PCDHGA4: variants seen among roughly 807,000 people sequenced by gnomAD.
The protein encoded by PCDHGA4 is protocadherin gamma-A4.
In PCDHGA4, 38 loss-of-function variants were observed where a neutral mutation model predicts 54.6. The observed-to-expected ratio is 0.70, with a 90% CI of 0.54 to 0.91. The LOEUF is 0.91. Among genes scored for constraint, PCDHGA4 ranks in the 40% least tolerant of loss-of-function variants. The probability of loss-of-function intolerance (pLI) is 0.00; values close to 1 mark genes in which losing one functional copy is unlikely to be tolerated. For synonymous variants in PCDHGA4, 511 were observed against 512.9 expected, an observed-to-expected ratio of 1.00 and a Z score of 0.05; for missense variants, 1,298 against 1,220.9, an observed-to-expected ratio of 1.06 and a Z score of -0.94.
chr5:141,392,488 T>G, intron 1 of PCDHGA4: 1 of 203,312 alleles, frequency 4.9e-6, no homozygotes, highest in Non-Finnish European at 9.8e-6. Flanking sequence ...AACAAAGTAA[T>G]AAGCAAATGA....
At chr5:141,413,460 C>T (rs1561742736) in intron 1 of PCDHGA4, 4 of 1,613,974 alleles carry the variant, frequency 2.5e-6, no homozygotes, top group Middle Eastern at 1.6e-4. Context: ...GCAGGATAGA[C>T]CGGGAGGAGC....
chr5:141,431,527 C>T lies in PCDHGA4; in HGVS notation c.2515-63280C>T. The T allele has an allele frequency of 1.2e-6, 2 of 1,614,086 alleles. No homozygotes were observed. The highest frequency in any genetic ancestry group is 2.2e-5 in the East Asian group (1 of 44,888). ...GCGCGAGCGTTCCGGAGAATCTGGC[C>T]TTGGGCACGCAGCTGCTTGTAGTCA... On this transcript the variant is annotated intron_variant, in intron 1 of 3. Coordinates refer to ENST00000571252, the MANE Select transcript of PCDHGA4 (RefSeq NM_018917.4). This position sits in a 1 kb window ranked among gnomAD's most constrained non-coding sequence, Gnocchi z 4.8.
chr5:141,380,571 T>C (rs529430145), intron 1 of PCDHGA4, among the ~76,000 whole-genome samples: 2 of 152,352 alleles, frequency 1.3e-5, no homozygotes, highest in African/African-American at 4.8e-5. Context: ...ATTAAACATA[T>C]CTTGGCGGTC....
Position 141,490,869 on chromosome 5 carries a change from A to AT in PCDHGA4, c.2515-3936dup. 1.2e-6 allele frequency: 2 copies of AT among 1,613,902 alleles called. No individual in the cohort carries two copies. Among genetic ancestry groups the AT allele is most frequent in the Non-Finnish European group, 8.5e-7 (1 of 1,179,954 alleles). ...GGGTTCGAGACTCCGGCTCTCCCCC[A>AT]TTGCATGCCAACACATCTCTGCATG... On this transcript the variant is annotated intron_variant, in intron 1 of 3. Coordinates refer to ENST00000571252, the MANE Select transcript of PCDHGA4 (RefSeq NM_018917.4). This position sits in a 1 kb window ranked among gnomAD's most constrained non-coding sequence, Gnocchi z 5.4.
rs746838072 is a variant in PCDHGA4 at position 141,486,116 on chromosome 5, T to A, written c.2515-8691T>A. ...GCCCCTAGACTTTGAGAGTGAGAATTACTATGAATTTGATGTGCGGGCTCG... is the reference window on the plus strand; with the variant it reads ...GCCCCTAGACTTTGAGAGTGAGAATAACTATGAATTTGATGTGCGGGCTCG... On this transcript the variant is annotated intron_variant, in intron 1 of 3. Coordinates refer to ENST00000571252, the MANE Select transcript of PCDHGA4 (RefSeq NM_018917.4). This position sits in a 1 kb window ranked among gnomAD's most constrained non-coding sequence, Gnocchi z 5.0. 1.1e-5 allele frequency: 17 copies of A among 1,613,638 alleles called. No homozygotes were observed. Among genetic ancestry groups the A allele is most frequent in the Non-Finnish European group, 1.4e-5 (17 of 1,179,610 alleles).
At chr5:141,375,066 G>A (rs1463444937) in intron 1 of PCDHGA4, 7 of 1,613,872 alleles carry the variant, frequency 4.3e-6, no homozygotes, top group Admixed American at 1.7e-5. Flanking sequence ...CCAGGTCTTC[G>A]AGACAGAGCG....
chr5:141,472,254 T>C (rs1031738513), intron 1 of PCDHGA4, among the ~76,000 whole-genome samples: 1 of 152,074 alleles, frequency 6.6e-6, no homozygotes, highest in Admixed American at 6.6e-5. Context: ...TTTAAAGTTA[T>C]ATTATAGCCG....
Position 141,485,875 on chromosome 5 carries a change from C to T in PCDHGA4, c.2515-8932C>T, listed in dbSNP as rs1254918181. The T allele has an allele frequency of 1.9e-6, 3 of 1,614,150 alleles. No homozygotes were observed. The highest frequency in any genetic ancestry group is 2.2e-5 in the East Asian group (1 of 44,862). On this transcript the variant is annotated intron_variant, in intron 1 of 3. Transcript: ENST00000571252. This position sits in a 1 kb window ranked among gnomAD's most constrained non-coding sequence, Gnocchi z 5.7. ...CAGAGCTCCGGGTATCCGTGCTGGACGTAAACGACAACGCCCCAGCCTTCC... is the reference window on the plus strand; with the variant it reads ...CAGAGCTCCGGGTATCCGTGCTGGATGTAAACGACAACGCCCCAGCCTTCC...
At chr5:141,459,845 T>C (rs914128032) in intron 1 of PCDHGA4, among the ~76,000 whole-genome samples, 1 of 152,232 alleles carries the variant, frequency 6.6e-6, no homozygotes, top group Admixed American at 6.5e-5. Flanking sequence ...TCTATTTGTA[T>C]ATCTTCTTGA....
At chr5:141,393,503 G>C (rs2092782893) in intron 1 of PCDHGA4, 1 of 1,614,028 alleles carries the variant, frequency 6.2e-7, no homozygotes, top group Non-Finnish European at 8.5e-7. Flanking sequence ...GCATCCACGT[G>C]ACAGTGTTGG....
chr5:141,377,556 A>T (rs1171611330), intron 1 of PCDHGA4: 1 of 151,728 alleles, frequency 6.6e-6, no homozygotes, highest in African/African-American at 2.4e-5. Context: ...TAATTGTGTC[A>T]CTGCACCCTA....
At chr5:141,428,613 C>T (rs1247239314) in intron 1 of PCDHGA4, 1 of 212,608 alleles carries the variant, frequency 4.7e-6, no homozygotes, top group African/African-American at 2.3e-5. Flanking sequence ...AAGAGAATAA[C>T]AAGATAAGCT....
Position 141,357,581 on chromosome 5 carries a change from C to G in PCDHGA4, c.2474C>G (p.Thr825Ser). 1 of 1,614,192 alleles carries G rather than the reference C, an allele frequency of 6.2e-7. No individual in the cohort carries two copies. Reference protein sequence around the residue: ...SCEKSEPLLITQDLLETKGDP... With the variant: ...SCEKSEPLLISQDLLETKGDP... ...GAGAAAAGCGAGCCTCTTCTGATAA[C>G]TCAGGATTTACTTGAAACAAAAGGA... The change falls in exon 1 of 4, where the codon ACT (threonine) becomes AGT (serine). Residue 825 changes from threonine to serine, a missense_variant. Coordinates refer to ENST00000571252, the MANE Select transcript of PCDHGA4 (RefSeq NM_018917.4).
At chr5:141,371,970 CG>C (rs748554819) in intron 1 of PCDHGA4, 402 of 1,613,132 alleles carry the variant, frequency 2.5e-4, no homozygotes, top group Non-Finnish European at 5.5e-5. Context: ...CGAGCAGCTG[CG>C]TGCCTTCGAG....
rs2099883943 is a variant in PCDHGA4, at chr5:141,511,766, G to A, written c.*593G>A. ...TGGAGGACATGATCACCATCCCCAT[G>A]GTACTGATGCTTGCTGGATTTAGGG... On this transcript the variant is annotated 3_prime_UTR_variant, in exon 4 of 4. Coordinates refer to ENST00000571252, the MANE Select transcript of PCDHGA4 (RefSeq NM_018917.4). 2 of 161,712 alleles carry A rather than the reference G, an allele frequency of 1.2e-5. No homozygotes were observed. Among genetic ancestry groups the A allele is most frequent in the Non-Finnish European group, 2.8e-5 (2 of 72,704 alleles). The allele number at this position is 161,712 out of a possible 1,614,324, so 10.0% of individuals were successfully genotyped here.
At position 141,371,344 on chromosome 5, in the gene PCDHGA4, T is replaced by C. The variant is rs752180321; in HGVS notation, c.2514+13723T>C. The C allele has an allele frequency of 9.1e-5, 147 of 1,613,880 alleles. 4 individuals are homozygous for C. In the South Asian group the frequency reaches 1.4e-3, roughly 16 times the overall value. ...TTTGAAGAGAGAGATAGCTACACAATTGGGGTGGAAGCAAAGGATGGTGGA... is the reference window on the plus strand; with the variant it reads ...TTTGAAGAGAGAGATAGCTACACAACTGGGGTGGAAGCAAAGGATGGTGGA... On this transcript the variant is annotated intron_variant, in intron 1 of 3. Coordinates refer to ENST00000571252, the MANE Select transcript of PCDHGA4 (RefSeq NM_018917.4).
chr5:141,422,494 T>G lies in PCDHGA4; in HGVS notation c.2514+64873T>G, dbSNP rs772798862. On this transcript the variant is annotated intron_variant, in intron 1 of 3. Transcript: ENST00000571252. ...GTTGGTCCAGAGCTACAATATAACG[T>G]TGACAGCCACAGACCAGGGAAGCCC... The G allele has an allele frequency of 3.5e-5, 56 of 1,613,848 alleles. No homozygotes were observed. Among genetic ancestry groups the G allele is most frequent in the Non-Finnish European group, 1.0e-5 (12 of 1,179,896 alleles).
chr5:141,420,401 A>G, intron 1 of PCDHGA4: 1 of 1,249,172 alleles, frequency 8.0e-7, no homozygotes. Flanking sequence ...GGTCAAATTT[A>G]TGGTTATCAT....
rs754953894 is a variant in PCDHGA4 at position 141,409,856 on chromosome 5, G to T, written c.2514+52235G>T. 4.0e-5 allele frequency: 64 copies of T among 1,612,232 alleles called. No individual in the cohort carries two copies. Among genetic ancestry groups the T allele is most frequent in the Non-Finnish European group, 5.3e-5 (62 of 1,179,390 alleles). On this transcript the variant is annotated intron_variant, in intron 1 of 3. Coordinates refer to ENST00000571252, the MANE Select transcript of PCDHGA4 (RefSeq NM_018917.4). ...CGCCAACGTGAGCCTGCGCGTGTTG[G>T]TGGGAGACCGCAATGACAACGCACC... is the stretch of plus-strand genomic sequence containing the variant.
Sources: gnomAD v4.1 joint callset for allele counts (sites outside exome capture counted in the v4.1 genomes callset) on GRCh38, gnomAD v4.1.1 for gene constraint, Gnocchi (gnomAD v3.1) non-coding constraint, MANE v1.5 for transcripts, NCBI Gene and HGNC (gene_info 2026-07-23, HGNC 2026-07-21) for gene names.